Variants in SUMF1 observed in about 807,000 individuals in gnomAD.
SUMF1 encodes the protein formylglycine-generating enzyme.
SUMF1 carries 48 observed loss-of-function variants against 47.6 expected under a neutral mutation model. That is an observed-to-expected ratio of 1.01 (90% CI 0.80 to 1.28). SUMF1 has a LOEUF of 1.28. Ranked by LOEUF, SUMF1 falls within the 50% of genes most tolerant of loss-of-function variation. The pLI is 0.00. For synonymous variants in SUMF1, 230 were observed against 192.1 expected (o/e 1.20, Z -1.63); for missense variants, 571 against 485.4 (o/e 1.18, Z -1.66).
intron 8 of SUMF1, among the ~76,000 whole-genome samples, chr3:4,169,469 A>G (rs1455896409): frequency 1.3e-5 from 2 of 152,192 alleles, no homozygotes; most frequent in Non-Finnish European, 2.9e-5. Context: ...TACAAGACAA[A>G]GAACACCAAG....
chr3:4,138,099 A>G (rs1430495221), intron 8 of SUMF1, among the ~76,000 whole-genome samples: 1 of 152,180 alleles, frequency 6.6e-6, no homozygotes, highest in Middle Eastern at 3.4e-3. Flanking sequence ...GAATAAATTT[A>G]AAAAGGTTTG....
chr3:4,155,800 TCCAGAGGGGAAATG>T (rs1288200937), intron 8 of SUMF1, among the ~76,000 whole-genome samples: 1 of 151,106 alleles, frequency 6.6e-6, no homozygotes, highest in Non-Finnish European at 1.5e-5. Flanking sequence ...TCACACCATT[TCCAGAGGGGAAATG>T]CCCTAACATC....
At chr3:4,259,412 A>G (rs929954993) in intron 8 of SUMF1, among the ~76,000 whole-genome samples, 1 of 152,182 alleles carries the variant, frequency 6.6e-6, no homozygotes, top group Non-Finnish European at 1.5e-5. Context: ...GCATTTAGGG[A>G]ATCTGCAGTT....
intron 8 of SUMF1, among the ~76,000 whole-genome samples, chr3:4,142,806 C>T (rs889494639): frequency 2.0e-5 from 3 of 151,916 alleles, no homozygotes; most frequent in East Asian, 1.9e-4. Flanking sequence ...AGGGGATTTG[C>T]AAATTGAGCC....
intron 6 of SUMF1, among the ~76,000 whole-genome samples, chr3:4,415,800 G>A (rs1701692776): frequency 6.6e-6 from 1 of 152,114 alleles, no homozygotes; most frequent in South Asian, 2.1e-4. Flanking sequence ...GTGACAGAGT[G>A]AGACTCCATC....
At chr3:4,076,503 T>C (rs1006421267) in intron 8 of SUMF1, among the ~76,000 whole-genome samples, 10 of 152,092 alleles carry the variant, frequency 6.6e-5, no homozygotes, top group African/African-American at 2.4e-4. Context: ...TTGGATCTAA[T>C]TAAGTTAAAG....
Position 4,435,668 on chromosome 3 carries a change from G to A in SUMF1, c.519+13598C>T, listed in dbSNP as rs566855554. On this transcript the variant is annotated intron_variant, in intron 3 of 8. Coordinates refer to ENST00000272902, the MANE Select transcript of SUMF1 (RefSeq NM_182760.4). ...GACATAAAATAATGCCACAATACAT[G>A]TAAGAGAAGTGTTTGAAATGACTGT... Among the ~76,000 whole-genome samples, 11 of 152,286 alleles carry A rather than the reference G, an allele frequency of 7.2e-5. No individual in the cohort carries two copies. The East Asian group carries it at 2.1e-3, about 29-fold the overall frequency.
intron 8 of SUMF1, among the ~76,000 whole-genome samples, chr3:4,107,011 G>A (rs537184512): frequency 6.6e-6 from 1 of 152,180 alleles, no homozygotes; most frequent in Non-Finnish European, 1.5e-5. Context: ...TGTACCTAGA[G>A]GGCTTTGAGG....
chr3:4,251,304 T>C (rs1696796899), intron 8 of SUMF1, among the ~76,000 whole-genome samples: 1 of 152,226 alleles, frequency 6.6e-6, no homozygotes, highest in African/African-American at 2.4e-5. Flanking sequence ...AATCTCATTA[T>C]AAAACTTTCA....
intron 8 of SUMF1, among the ~76,000 whole-genome samples, chr3:4,091,428 T>G (rs1016848104): frequency 1.3e-5 from 2 of 152,148 alleles, no homozygotes; most frequent in African/African-American, 2.4e-5. Context: ...TGTACGTGCA[T>G]CTATGCAGCA....
At chr3:4,439,270 T>A (rs1039594219) in intron 3 of SUMF1, among the ~76,000 whole-genome samples, 5 of 152,210 alleles carry the variant, frequency 3.3e-5, no homozygotes, top group Non-Finnish European at 7.3e-5. Context: ...ACGCCTGTAA[T>A]GCCAGCACTT....
rs916745766 is a variant in SUMF1, at chr3:4,198,235, T to C, written c.1015-129490A>G. Among the ~76,000 whole-genome samples, 163 of 152,086 alleles carry C rather than the reference T, an allele frequency of 1.1e-3. 3 individuals are homozygous for C. Among genetic ancestry groups the C allele is most frequent in the Non-Finnish European group, 3.7e-4 (25 of 68,004 alleles). On this transcript the variant is annotated intron_variant and NMD_transcript_variant, in intron 8 of 12. Transcript: ENST00000448413. The stretch of plus-strand genomic sequence containing the variant: ...AGTGGGATTCTTTCATGTCTCTTGT[T>C]ATACCTCCTATGGAGTAACATGCAG...
At chr3:4,069,104 G>A (rs989219581) in intron 8 of SUMF1, among the ~76,000 whole-genome samples, 3 of 152,190 alleles carry the variant, frequency 2.0e-5, no homozygotes, top group African/African-American at 7.2e-5. Context: ...GATAAATGGA[G>A]CCATTGTTAT....
chr3:4,192,272 C>A (rs1168152030), intron 8 of SUMF1, among the ~76,000 whole-genome samples: 1 of 152,004 alleles, frequency 6.6e-6, no homozygotes, highest in African/African-American at 2.4e-5. Flanking sequence ...GTTTAAAGTC[C>A]TAAACTTCCA....
rs563712269 is a variant in SUMF1, at chr3:4,274,508, G to A, written c.1014+101822C>T. ...GCTAAGAGGATTAAGCCATTCATCT[G>A]AAATCAGCCAGGATGGTAATAAGAT... On this transcript the variant is annotated intron_variant and NMD_transcript_variant, in intron 8 of 12. Transcript: ENST00000448413. 2.6e-5 allele frequency among the ~76,000 whole-genome samples: 4 copies of A among 152,292 alleles called. No homozygotes were observed. In the South Asian group the frequency reaches 8.3e-4, roughly 32 times the overall value.
At chr3:4,330,530 G>A (rs113025869) in intron 8 of SUMF1, among the ~76,000 whole-genome samples, 1,693 of 152,224 alleles carry the variant, frequency 0.011, 23 homozygotes, top group African/African-American at 0.037. Context: ...CTTATTCATT[G>A]CCACAAGAAC....
At chr3:4,168,197 C>A (rs1694754410) in intron 8 of SUMF1, among the ~76,000 whole-genome samples, 1 of 152,116 alleles carries the variant, frequency 6.6e-6, no homozygotes, top group Non-Finnish European at 1.5e-5. Flanking sequence ...GATCACAACC[C>A]CCATGTGGTC....
intron 8 of SUMF1, among the ~76,000 whole-genome samples, chr3:4,321,891 C>T (rs1271739413): frequency 1.3e-5 from 2 of 151,998 alleles, no homozygotes; most frequent in African/African-American, 4.8e-5. Context: ...GACAAATGAC[C>T]TCAGCTAGGT....
At chr3:4,184,076 A>G (rs1695150256) in intron 8 of SUMF1, among the ~76,000 whole-genome samples, 1 of 152,018 alleles carries the variant, frequency 6.6e-6, no homozygotes. Context: ...AGGAGGTTGC[A>G]ATAAGTTGAA....
Sources: allele counts gnomAD v4.1 joint callset (sites outside exome capture counted in the v4.1 genomes callset), GRCh38; gene constraint gnomAD v4.1.1; transcripts MANE v1.5; gene names NCBI Gene and HGNC (gene_info 2026-07-23, HGNC 2026-07-21).